BSPH1: variants seen among roughly 807,000 people sequenced by gnomAD.
BSPH1 encodes the protein binder of sperm protein homolog 1.
Under a neutral mutation model 22.5 loss-of-function variants are expected in BSPH1, and 21 were observed. The ratio of observed to expected loss-of-function variants is 0.93; its 90% CI spans 0.66 to 1.35. The LOEUF (loss-of-function observed/expected upper bound fraction) is 1.35, where lower values mean the gene tolerates loss of function less well. Ranked by LOEUF, BSPH1 falls within the 40% of genes most tolerant of loss-of-function variation. BSPH1 has a pLI of 0.00. For missense variants in BSPH1, 141 were observed against 154.2 expected (o/e 0.91, Z 0.45); for synonymous variants, 42 against 53.6 (o/e 0.78, Z 0.95).
At position 47,982,575 on chromosome 19, in the gene BSPH1, T is replaced by C. The variant is rs182028385; in HGVS notation, c.74-1634A>G. ...ATATTAGAATCACCAGCTGAGTTTT[T>C]AAAAACCCAGATCCCTTCCACTTCT... On this transcript the variant is annotated intron_variant, in intron 1 of 5. Transcript: ENST00000344839. 5.2e-3 allele frequency among the ~76,000 whole-genome samples: 785 copies of C among 152,328 alleles called. 9 individuals carry two copies. Among genetic ancestry groups the C allele is most frequent in the African/African-American group, 0.018 (743 of 41,576 alleles).
chr19:47,974,269 C>CTCTCTCTT (rs57733472), intron 5 of BSPH1, among the ~76,000 whole-genome samples: 33 of 75,992 alleles, frequency 4.3e-4, no homozygotes, highest in African/African-American at 1.6e-3. Context: ...CTCTCTCTCT[C>CTCTCTCTT]TTTTTTTTTT....
chr19:47,975,649 A>ATTTTTTTTTTTTTTTTTTTTTTTTTTT, intron 5 of BSPH1, among the ~76,000 whole-genome samples: 1 of 124,924 alleles, frequency 8.0e-6, no homozygotes, highest in Non-Finnish European at 1.7e-5. Context: ...AAGGTAATGC[A>ATTTTTTTTTTTTTTTTTTTTTTTTTTT]TTTTTTTTTT....
At chr19:47,986,582 TAA>T (rs1969473147) in intron 1 of BSPH1, among the ~76,000 whole-genome samples, 1 of 151,576 alleles carries the variant, frequency 6.6e-6, no homozygotes. Context: ...CTGCAATAAA[TAA>T]AGACACAAAA....
intron 5 of BSPH1, among the ~76,000 whole-genome samples, chr19:47,969,518 C>G (rs989058291): frequency 2.6e-5 from 4 of 152,094 alleles, no homozygotes; most frequent in Admixed American, 6.6e-5. Flanking sequence ...AGGATTCAGT[C>G]AGGAGACAGA....
At chr19:47,978,229 G>A (rs933492855) in intron 3 of BSPH1, among the ~76,000 whole-genome samples, 2 of 151,614 alleles carry the variant, frequency 1.3e-5, no homozygotes, top group Admixed American at 6.6e-5. Flanking sequence ...CTCAACCTCT[G>A]GAGTAGCTGG....
intron 5 of BSPH1, among the ~76,000 whole-genome samples, chr19:47,975,786 G>A (rs1018265434): frequency 5.9e-4 from 90 of 151,692 alleles, no homozygotes; most frequent in Non-Finnish European, 6.5e-4. Flanking sequence ...CTCCTGAGTA[G>A]CTGGGACTAC....
At chr19:47,973,222 AATAATAATAAT>A (rs1568395381) in intron 5 of BSPH1, among the ~76,000 whole-genome samples, 5 of 87,318 alleles carry the variant, frequency 5.7e-5, no homozygotes, top group Admixed American at 2.0e-4. Context: ...GTCTCAAAAT[AATAATAATAAT>A]AATAATAATA....
intron 5 of BSPH1, 69 bp downstream of exon 5, chr19:47,976,641 C>G (rs1969367248): frequency 5.5e-6 from 6 of 1,096,338 alleles, no homozygotes; most frequent in Non-Finnish European, 7.6e-6. Flanking sequence ...CCTCTGCCAA[C>G]AAAAACTCTA....
intron 1 of BSPH1, among the ~76,000 whole-genome samples, chr19:47,989,718 TATC>T (rs1447356188): frequency 6.6e-6 from 1 of 152,076 alleles, no homozygotes; most frequent in Non-Finnish European, 1.5e-5. Flanking sequence ...GACATCTTAT[TATC>T]TGCAAGCCGG....
chr19:47,974,269 C>CTCTT (rs57733472), intron 5 of BSPH1, among the ~76,000 whole-genome samples: 5,917 of 75,804 alleles, frequency 0.078, 331 homozygotes, highest in African/African-American at 0.18. Flanking sequence ...CTCTCTCTCT[C>CTCTT]TTTTTTTTTT....
chr19:47,986,203 G>A (rs976165108), intron 1 of BSPH1, among the ~76,000 whole-genome samples: 2 of 152,194 alleles, frequency 1.3e-5, no homozygotes, highest in Non-Finnish European at 2.9e-5. Flanking sequence ...AGCTGGGTCA[G>A]GAGTCTTCCC....
chr19:47,992,012 A>C lies in BSPH1; in HGVS notation c.70T>G (p.Leu24Val). 1.9e-6 allele frequency: 3 copies of C among 1,544,470 alleles called. No homozygotes were observed. The highest frequency in any genetic ancestry group is 1.7e-4 in the Middle Eastern group (1 of 5,968). ...AGAAATATAGAAAAAGAAATACTTA[A>C]AATAACAGGGAAGATGCAAGCTGAG... The part of the protein sequence containing the change: ...NSSACIFPVI[L>V]NELSSTVETI... The change falls in exon 1 of 6, where the codon TTA becomes GTA. Residue 24 changes from leucine (L) to valine (V), a missense_variant. Coordinates refer to ENST00000344839, the MANE Select transcript of BSPH1 (RefSeq NM_001128326.2).
At chr19:47,970,163 G>A (rs1426205606) in intron 5 of BSPH1, among the ~76,000 whole-genome samples, 2 of 151,988 alleles carry the variant, frequency 1.3e-5, no homozygotes, top group Non-Finnish European at 2.9e-5. Flanking sequence ...GGTTCAAGTG[G>A]TTCTCCTACC....
chr19:47,986,694 G>C (rs553628973), intron 1 of BSPH1, among the ~76,000 whole-genome samples: 1 of 151,824 alleles, frequency 6.6e-6, no homozygotes, highest in Admixed American at 6.6e-5. Context: ...GCAGTGAGCC[G>C]TGATTGTGCC....
chr19:47,990,794 T>G (rs1027960579), intron 1 of BSPH1, among the ~76,000 whole-genome samples: 2 of 152,196 alleles, frequency 1.3e-5, no homozygotes, highest in Non-Finnish European at 2.9e-5. Flanking sequence ...CGCTTCATAA[T>G]TGTTACAGGC....
At position 47,992,019 on chromosome 19, in the gene BSPH1, A is replaced by G; in HGVS notation, c.63T>C (p.Pro21=). 1 of 1,546,906 alleles carries G rather than the reference A, an allele frequency of 6.5e-7. No homozygotes were observed. The highest frequency in any genetic ancestry group is 2.4e-5 in the East Asian group (1 of 40,842). ...TAGAAAAAGAAATACTTAAAATAAC[A>G]GGGAAGATGCAAGCTGAGGAATTTC... ...TTRNSSACIF[P]VILNELSSTV... The change falls in exon 1 of 6, where the codon CCT becomes CCC. Residue 21 remains proline, a synonymous_variant. Transcript: ENST00000344839.
chr19:47,977,940 T>G (rs12971812), intron 3 of BSPH1, among the ~76,000 whole-genome samples: 3 of 148,134 alleles, frequency 2.0e-5, no homozygotes, highest in Non-Finnish European at 4.5e-5. Flanking sequence ...TGTTGTATGG[T>G]TTTATATATA....
At chr19:47,969,643 G>A (rs142128719) in intron 5 of BSPH1, among the ~76,000 whole-genome samples, 1 of 148,354 alleles carries the variant, frequency 6.7e-6, no homozygotes, top group Non-Finnish European at 1.5e-5. Context: ...AGGAACAGCA[G>A]ATTGTAGGAA....
chr19:47,978,841 T>C (rs1046298680), intron 3 of BSPH1, among the ~76,000 whole-genome samples: 1 of 152,270 alleles, frequency 6.6e-6, no homozygotes, highest in East Asian at 1.9e-4. Flanking sequence ...TAAAATTTGA[T>C]TAAGCTAGAA....
Sources: gnomAD v4.1 joint callset for allele counts (sites outside exome capture counted in the v4.1 genomes callset) on GRCh38, gnomAD v4.1.1 for gene constraint, MANE v1.5 for transcripts, NCBI Gene and HGNC (gene_info 2026-07-23, HGNC 2026-07-21) for gene names.